Variants in PRR16 observed in about 807,000 individuals in gnomAD.
PRR16 encodes proline rich 16, also known as protein Largen.
PRR16 carries 6 observed loss-of-function variants against 18.2 expected under a neutral mutation model. The observed-to-expected ratio is 0.33, with a 90% CI of 0.18 to 0.65. PRR16 has a LOEUF of 0.65. PRR16 is among the 30% of genes least tolerant of loss of function. The pLI, the probability that PRR16 is intolerant of heterozygous loss-of-function variation, is 0.74. For synonymous variants in PRR16, 151 were observed against 147.8 expected, an observed-to-expected ratio of 1.02 and a Z score of -0.16; for missense variants, 412 against 376.6, an observed-to-expected ratio of 1.09 and a Z score of -0.78.
chr5:120,489,017 CA>C (rs753971851), intron 1 of PRR16, among the ~76,000 whole-genome samples: 9 of 152,098 alleles, frequency 5.9e-5, no homozygotes, highest in Non-Finnish European at 1.0e-4. Context: ...GTCTGAGAGA[CA>C]GTTTGTTCTA....
intron 1 of PRR16, among the ~76,000 whole-genome samples, chr5:120,667,591 T>G (rs1756436826): frequency 6.6e-6 from 1 of 151,494 alleles, no homozygotes; most frequent in Non-Finnish European, 1.5e-5. Flanking sequence ...TGTGGGCATT[T>G]AGTGCTATAA....
the PRR16 span, among the ~76,000 whole-genome samples, chr5:120,788,061 C>T: frequency 3.3e-5 from 5 of 151,764 alleles, no homozygotes; most frequent in South Asian, 6.2e-4. Context: ...TTGAAAATTC[C>T]AACCTACCCC....
intron 1 of PRR16, among the ~76,000 whole-genome samples, chr5:120,493,061 T>A (rs534494503): frequency 6.6e-6 from 1 of 152,236 alleles, no homozygotes; most frequent in Non-Finnish European, 1.5e-5. Context: ...TCTTTTCTTT[T>A]GGATAGATAC....
intron 1 of PRR16, among the ~76,000 whole-genome samples, chr5:120,645,510 C>A (rs984605081): frequency 6.6e-6 from 1 of 151,724 alleles, no homozygotes; most frequent in African/African-American, 2.4e-5. Flanking sequence ...CATATTAGAT[C>A]CTGTGGAAAT....
chr5:120,508,135 C>G (rs1355341495), intron 1 of PRR16, among the ~76,000 whole-genome samples: 1 of 152,064 alleles, frequency 6.6e-6, no homozygotes, highest in East Asian at 1.9e-4. Context: ...GCTGCACATA[C>G]CTTTCCTCTT....
chr5:120,611,758 CA>C (rs1183252856), intron 1 of PRR16, among the ~76,000 whole-genome samples: 1 of 152,188 alleles, frequency 6.6e-6, no homozygotes, highest in African/African-American at 2.4e-5. Context: ...TAGGGCAGTG[CA>C]GAAGGAAAAT....
chr5:120,608,190 G>T (rs1754217688), intron 1 of PRR16, among the ~76,000 whole-genome samples: 1 of 152,170 alleles, frequency 6.6e-6, no homozygotes, highest in Admixed American at 6.5e-5. Context: ...ATGAAATCCA[G>T]AGGTTTCTGA....
the PRR16 span, among the ~76,000 whole-genome samples, chr5:120,791,815 A>T: frequency 6.6e-6 from 1 of 152,174 alleles, no homozygotes; most frequent in Non-Finnish European, 1.5e-5. Flanking sequence ...ATATAAAATC[A>T]AACTCCCAAC....
At chr5:120,794,567 A>C in the PRR16 span, among the ~76,000 whole-genome samples, 1 of 152,098 alleles carries the variant, frequency 6.6e-6, no homozygotes, top group South Asian at 2.1e-4. Context: ...TTAATCAATA[A>C]ATGTGTGTGT....
At chr5:120,494,945 G>C (rs1391914719) in intron 1 of PRR16, among the ~76,000 whole-genome samples, 1 of 151,974 alleles carries the variant, frequency 6.6e-6, no homozygotes, top group Admixed American at 6.6e-5. Context: ...CCATTGTTCT[G>C]TGTGTCTGTC....
the PRR16 span, among the ~76,000 whole-genome samples, chr5:120,760,827 G>A: frequency 6.6e-6 from 1 of 152,026 alleles, no homozygotes; most frequent in African/African-American, 2.4e-5. Context: ...CATTACAGCA[G>A]GATTGAGCTC....
At chr5:120,657,662 T>C (rs1033831697) in intron 1 of PRR16, among the ~76,000 whole-genome samples, 3 of 151,924 alleles carry the variant, frequency 2.0e-5, no homozygotes, top group African/African-American at 7.2e-5. Context: ...TCACATAACT[T>C]ATTCATCAGA....
chr5:120,736,244 G>A, the PRR16 span, among the ~76,000 whole-genome samples: 3 of 152,118 alleles, frequency 2.0e-5, no homozygotes, highest in Admixed American at 2.0e-4. Context: ...TAGAAAGAAG[G>A]AAGCGTGAGA....
intron 1 of PRR16, among the ~76,000 whole-genome samples, chr5:120,551,123 T>C (rs1330250586): frequency 6.6e-6 from 1 of 152,018 alleles, no homozygotes; most frequent in Non-Finnish European, 1.5e-5. Flanking sequence ...ATAGTTACTG[T>C]GCTGTGCATT....
chr5:120,772,597 G>C, the PRR16 span, among the ~76,000 whole-genome samples: 2 of 151,820 alleles, frequency 1.3e-5, no homozygotes, highest in African/African-American at 4.8e-5. Flanking sequence ...CTTTCTCACA[G>C]ACTAGTCAAC....
chr5:120,497,967 C>T (rs1326688452), intron 1 of PRR16, among the ~76,000 whole-genome samples: 2 of 151,512 alleles, frequency 1.3e-5, no homozygotes, highest in Non-Finnish European at 2.9e-5. Flanking sequence ...AGAATATAGT[C>T]ATCCATTTTA....
In PRR16 at chr5:120,504,300, G is replaced by T. The variant is rs147467032; in HGVS notation, c.159+39655G>T. On this transcript the variant is annotated intron_variant, in intron 1 of 1. Transcript: ENST00000407149. ...TGCATCACCTCAAGTTGTAAAAATG[G>T]CATTGGCAACACACTCGAATCAGTA... Among the ~76,000 whole-genome samples, 1,253 of 152,200 alleles carry T rather than the reference G, an allele frequency of 8.2e-3. 13 individuals are homozygous for T. The highest frequency in any genetic ancestry group is 0.027 in the Middle Eastern group (8 of 294).
At chr5:120,671,126 C>T (rs115482685) in intron 1 of PRR16, among the ~76,000 whole-genome samples, 1 of 152,102 alleles carries the variant, frequency 6.6e-6, no homozygotes, top group Non-Finnish European at 1.5e-5. Flanking sequence ...TACACACACA[C>T]CATACCCCTT....
In PRR16 at chr5:120,464,383, T is replaced by TG; in HGVS notation, c.-98dup. On this transcript the variant is annotated 5_prime_UTR_variant, in exon 1 of 2. It introduces an in-frame stop codon into an upstream open reading frame of the 5' UTR. Coordinates refer to ENST00000407149, the MANE Select transcript of PRR16 (RefSeq NM_001300783.2). ...CGCTGCCCAGGGAGCGCCCAAGATG[T>TG]GGGGGGACCGGGGCGGCAGCGGCCG... 1 of 1,333,970 alleles carries TG rather than the reference T, an allele frequency of 7.5e-7. No homozygotes were observed. The highest frequency in any genetic ancestry group is 1.0e-6 in the Non-Finnish European group (1 of 1,004,680). 82.6% of individuals were successfully genotyped at this position (1,333,970 alleles called of 1,614,324 possible).
Sources: allele counts gnomAD v4.1 joint callset (sites outside exome capture counted in the v4.1 genomes callset), GRCh38; gene constraint gnomAD v4.1.1; transcripts MANE v1.5; gene names NCBI Gene and HGNC (gene_info 2026-07-23, HGNC 2026-07-21).